The following SHISA9 variants were observed in gnomAD, a reference collection of about 807,000 sequenced individuals.
SHISA9 encodes the protein shisa family member 9, also known as protein shisa-9.
A neutral mutation model predicts 38.0 loss-of-function variants in SHISA9; 13 were observed. The observed-to-expected ratio is 0.34, with a 90% CI of 0.22 to 0.54. The LOEUF (loss-of-function observed/expected upper bound fraction) is 0.54, where lower values mean the gene tolerates loss of function less well. Among genes scored for constraint, SHISA9 ranks in the 20% least tolerant of loss-of-function variants. The pLI, the probability that SHISA9 is intolerant of heterozygous loss-of-function variation, is 0.91. For synonymous variants in SHISA9, 275 were observed against 242.0 expected, an observed-to-expected ratio of 1.14 and a Z score of -1.27; for missense variants, 538 against 575.8, an observed-to-expected ratio of 0.93 and a Z score of 0.67.
intron 4 of SHISA9, among the ~76,000 whole-genome samples, chr16:13,222,870 A>G (rs564031570): frequency 1.2e-4 from 18 of 152,066 alleles, no homozygotes; most frequent in Non-Finnish European, 2.5e-4. Flanking sequence ...TCCTAATTTT[A>G]TAATCTTTAT....
chr16:13,460,690 G>A, the SHISA9 span, among the ~76,000 whole-genome samples: 2 of 152,184 alleles, frequency 1.3e-5, no homozygotes, highest in Admixed American at 6.5e-5. Flanking sequence ...TGCTCATGAG[G>A]ATCCATGGGT....
chr16:13,164,752 A>G (rs904190898), intron 2 of SHISA9, among the ~76,000 whole-genome samples: 2 of 152,060 alleles, frequency 1.3e-5, no homozygotes, highest in African/African-American at 2.4e-5. Context: ...TTTTATTCAT[A>G]GGTTATTTAG....
the SHISA9 span, among the ~76,000 whole-genome samples, chr16:13,482,951 A>C: frequency 5.3e-5 from 8 of 152,120 alleles, no homozygotes; most frequent in Non-Finnish European, 1.2e-4. Context: ...CCCAAGGCTG[A>C]GATGTAACTC....
the SHISA9 span, among the ~76,000 whole-genome samples, chr16:13,477,943 A>C: frequency 6.6e-6 from 1 of 152,144 alleles, no homozygotes; most frequent in African/African-American, 2.4e-5. Flanking sequence ...GCAGCCTGGG[A>C]AACAGAGCGA....
the SHISA9 span, among the ~76,000 whole-genome samples, chr16:13,342,955 T>C: frequency 0.36 from 54,370 of 152,048 alleles, 10,673 homozygotes; most frequent in African/African-American, 0.53. Flanking sequence ...ATTGCTTTTC[T>C]GCTCTCAAAG....
chr16:13,428,506 C>T, the SHISA9 span, among the ~76,000 whole-genome samples: 3 of 152,292 alleles, frequency 2.0e-5, no homozygotes, highest in Non-Finnish European at 4.4e-5. Context: ...ACTTGGTGAT[C>T]TCCAACCTTG....
the SHISA9 span, among the ~76,000 whole-genome samples, chr16:13,361,884 A>G: frequency 2.0e-5 from 3 of 152,222 alleles, no homozygotes; most frequent in Non-Finnish European, 4.4e-5. Context: ...TATGTGTATT[A>G]TCATTTACAT....
At chr16:13,111,238 A>G (rs1400961773) in intron 2 of SHISA9, among the ~76,000 whole-genome samples, 1 of 152,126 alleles carries the variant, frequency 6.6e-6, no homozygotes, top group Non-Finnish European at 1.5e-5. Flanking sequence ...AAAAGAAACT[A>G]TCATCAGAGT....
chr16:13,291,917 G>A, the SHISA9 span, among the ~76,000 whole-genome samples: 14 of 152,212 alleles, frequency 9.2e-5, no homozygotes, highest in African/African-American at 3.1e-4. Context: ...TAAGAGATAG[G>A]GAGAAAACAG....
At chr16:13,031,521 G>A (rs993653237) in intron 2 of SHISA9, among the ~76,000 whole-genome samples, 1 of 152,170 alleles carries the variant, frequency 6.6e-6, no homozygotes, top group African/African-American at 2.4e-5. Flanking sequence ...GACTTAACAA[G>A]TAGGCAGCCA....
intron 4 of SHISA9, among the ~76,000 whole-genome samples, chr16:13,229,897 C>G (rs1480384723): frequency 6.6e-6 from 1 of 152,190 alleles, no homozygotes; most frequent in Non-Finnish European, 1.5e-5. Context: ...GACTCTGCAG[C>G]TCAGACACCT....
At chr16:13,168,355 G>A (rs2050655899) in intron 2 of SHISA9, among the ~76,000 whole-genome samples, 1 of 152,184 alleles carries the variant, frequency 6.6e-6, no homozygotes. Context: ...TGCCACACAT[G>A]GGCAGCCATC....
chr16:13,561,335 T>TA, the SHISA9 span, among the ~76,000 whole-genome samples: 2 of 152,218 alleles, frequency 1.3e-5, no homozygotes, highest in East Asian at 3.9e-4. Flanking sequence ...ATTTCTTACA[T>TA]AACTTGCAGC....
At position 13,235,337 on chromosome 16, in the gene SHISA9, A is replaced by T; in HGVS notation, c.1203A>T (p.Gly401=). The change falls in exon 5 of 5, where the codon GGA becomes GGT. Residue 401 remains glycine, a synonymous_variant. Coordinates refer to ENST00000558583, the MANE Select transcript of SHISA9 (RefSeq NM_001145204.3). ...AGACAGGCTCCAGCGACCCCTTGGG[A>T]ACTCGCCCCCAGCACTACCCACCCC... ...TAETGSSDPL[G]TRPQHYPPPQ... is the part of the protein sequence containing the mutation. 6.5e-7 allele frequency: 1 copy of T among 1,546,036 alleles called. No individual in the cohort carries two copies. Among genetic ancestry groups the T allele is most frequent in the Non-Finnish European group, 8.7e-7 (1 of 1,146,962 alleles).
intron 2 of SHISA9, among the ~76,000 whole-genome samples, chr16:12,985,792 C>T (rs890841183): frequency 6.6e-6 from 1 of 152,208 alleles, no homozygotes; most frequent in Non-Finnish European, 1.5e-5. Context: ...CAACAGCCAG[C>T]ACCAGTGGCT....
At chr16:13,177,711 C>A (rs188017497) in intron 2 of SHISA9, among the ~76,000 whole-genome samples, 7 of 152,122 alleles carry the variant, frequency 4.6e-5, no homozygotes, top group Admixed American at 2.0e-4. Context: ...ACTCTGTCGC[C>A]CAGGCTAGAG....
At chr16:13,203,869 A>T (rs576712158) in intron 3 of SHISA9, among the ~76,000 whole-genome samples, 1 of 151,624 alleles carries the variant, frequency 6.6e-6, no homozygotes, top group Non-Finnish European at 1.5e-5. Flanking sequence ...CTGTCCATCC[A>T]TCCATCCATC....
chr16:13,459,335 G>A, the SHISA9 span, among the ~76,000 whole-genome samples: 1 of 152,148 alleles, frequency 6.6e-6, no homozygotes, highest in South Asian at 2.1e-4. Context: ...GGTGACATGG[G>A]GGGAGGAGGG....
the SHISA9 span, among the ~76,000 whole-genome samples, chr16:13,320,292 C>CAAAAAAAA: frequency 6.0e-3 from 234 of 38,970 alleles, 41 homozygotes; most frequent in East Asian, 0.026. Context: ...GACTCTGTCT[C>CAAAAAAAA]AAAAAAAAAA....
Sources: gnomAD v4.1 joint callset for allele counts (sites outside exome capture counted in the v4.1 genomes callset) on GRCh38, gnomAD v4.1.1 for gene constraint, MANE v1.5 for transcripts, NCBI Gene and HGNC (gene_info 2026-07-23, HGNC 2026-07-21) for gene names.